The following DGKK variants were observed in gnomAD, a reference collection of about 807,000 sequenced individuals.
The protein encoded by DGKK is 142 kDa diacylglycerol kinase.
DGKK carries 35 observed loss-of-function variants against 92.2 expected under a neutral mutation model. The observed-to-expected ratio is 0.38, with a 90% CI of 0.29 to 0.50. The LOEUF is 0.50. Among genes scored for constraint, DGKK ranks in the 20% least tolerant of loss-of-function variants. The pLI is 0.92. For synonymous variants in DGKK, 368 were observed against 360.6 expected, an observed-to-expected ratio of 1.02 and a Z score of -0.23; for missense variants, 910 against 992.2, an observed-to-expected ratio of 0.92 and a Z score of 1.11.
At chrX:50,468,274 G>T (rs1557234173) in intron 1 of DGKK, among the ~76,000 whole-genome samples, 1 of 111,731 alleles carries the variant, frequency 9.0e-6, no homozygotes, top group Non-Finnish European at 1.9e-5. Flanking sequence ...GCATTCTCTG[G>T]GTATTACGTC....
In DGKK at chrX:50,404,131, G is replaced by C; in HGVS notation, c.996C>G (p.Ser332=). The change falls in exon 5 of 28, where the codon TCC becomes TCG. Residue 332 remains serine, a synonymous_variant. Coordinates refer to ENST00000611977, the MANE Select transcript of DGKK (RefSeq NM_001013742.4). ...PFLVGMHCWY[S]SYSHRTQHCN... is the part of the protein sequence containing the mutation. The stretch of plus-strand genomic sequence containing the variant: ...AGTGCTGGGTCCGGTGGCTGTAACT[G>C]GAGTACCAACAATGCATTCCAACAA... 1 of 1,210,467 alleles carries C rather than the reference G, an allele frequency of 8.3e-7. No homozygotes were observed. Among genetic ancestry groups the C allele is most frequent in the African/African-American group, 1.7e-5 (1 of 57,711 alleles).
At chrX:50,422,029 T>G (rs1925603363) in intron 3 of DGKK, among the ~76,000 whole-genome samples, 1 of 112,119 alleles carries the variant, frequency 8.9e-6, no homozygotes, top group Non-Finnish European at 1.9e-5. Flanking sequence ...TCATCAGTAA[T>G]CTCAACATGG....
At position 50,470,436 on chromosome X, in the gene DGKK, C is replaced by T. The variant is rs1557234460; in HGVS notation, c.243G>A (p.Pro81=). The T allele has an allele frequency of 3.3e-6, 4 of 1,211,962 alleles. No homozygotes were observed. Among genetic ancestry groups the T allele is most frequent in the East Asian group, 3.0e-5 (1 of 33,820 alleles). The part of the protein sequence containing the change: ...SESATELYTE[P]TPEPATEPAS... ...CCGGCTCTGTGGCTGGTTCTGGGGT[C>T]GGTTCTGTGTACAGTTCTGTGGCTG... The change falls in exon 1 of 28, where the codon CCG becomes CCA. Residue 81 remains proline, a synonymous_variant. Transcript: ENST00000611977.
At chrX:50,379,315 CA>C (rs1214871132) in intron 20 of DGKK, among the ~76,000 whole-genome samples, 862 of 38,802 alleles carry the variant, frequency 0.022, 4 homozygotes, top group African/African-American at 0.058. Context: ...GACTCCGTTT[CA>C]AAAAAAAAAA....
At chrX:50,421,554 G>T (rs1362856537) in intron 3 of DGKK, among the ~76,000 whole-genome samples, 2 of 111,452 alleles carry the variant, frequency 1.8e-5, no homozygotes, top group Non-Finnish European at 3.8e-5. Context: ...TTCTTTCTTT[G>T]TAGAATGGAA....
chrX:50,446,662 T>G (rs1926315016), intron 1 of DGKK, among the ~76,000 whole-genome samples: 1 of 111,769 alleles, frequency 8.9e-6, no homozygotes, highest in Non-Finnish European at 1.9e-5. Flanking sequence ...TATTTTCTCC[T>G]AATCTGCAAT....
chrX:50,421,651 A>T (rs1291855172), intron 3 of DGKK, among the ~76,000 whole-genome samples: 3 of 112,058 alleles, frequency 2.7e-5, no homozygotes, highest in Admixed American at 9.5e-5. Flanking sequence ...ACCCTGTGTC[A>T]GGGTGATGTA....
At chrX:50,449,843 G>C (rs1190801286) in intron 1 of DGKK, among the ~76,000 whole-genome samples, 1 of 112,007 alleles carries the variant, frequency 8.9e-6, no homozygotes, top group Non-Finnish European at 1.9e-5. Flanking sequence ...ATTGACTTTA[G>C]CCTAGAAAGG....
rs1286069887 is a variant in DGKK at position 50,447,872 on chromosome X, A to AT, written c.645+22161dup. ...AGGACATAAATGTTGCTTTTCAATT[A>AT]TTTTTTTTAAAAAAGGAGCGACTTA... On this transcript the variant is annotated intron_variant, in intron 1 of 27. Transcript: ENST00000611977. Among the ~76,000 whole-genome samples, 8 of 109,994 alleles carry AT rather than the reference A, an allele frequency of 7.3e-5. No individual in the cohort carries two copies. The East Asian group carries it at 1.4e-3, about 20-fold the overall frequency.
chrX:50,404,882 T>G (rs1474061536), intron 4 of DGKK, among the ~76,000 whole-genome samples: 1 of 110,987 alleles, frequency 9.0e-6, no homozygotes, highest in African/African-American at 3.3e-5. Context: ...CCTGGAGGTA[T>G]ACACTTTCCT....
chrX:50,450,407 T>G (rs568338984), intron 1 of DGKK, among the ~76,000 whole-genome samples: 7 of 112,184 alleles, frequency 6.2e-5, no homozygotes, highest in African/African-American at 2.3e-4. Context: ...CTGCCCTGCC[T>G]TTTTTATCTG....
intron 4 of DGKK, among the ~76,000 whole-genome samples, chrX:50,410,051 A>AT (rs1414587833): frequency 8.9e-6 from 1 of 112,141 alleles, no homozygotes; most frequent in Non-Finnish European, 1.9e-5. Flanking sequence ...AGTCTGTGGA[A>AT]TTTTTTATAG....
chrX:50,454,015 GA>G (rs782692022), intron 1 of DGKK, among the ~76,000 whole-genome samples: 32 of 108,539 alleles, frequency 2.9e-4, no homozygotes, highest in Non-Finnish European at 4.6e-4. Flanking sequence ...GAAAGAAAAA[GA>G]AAAAAACAGT....
intron 4 of DGKK, among the ~76,000 whole-genome samples, chrX:50,413,703 A>G (rs1276481913): frequency 8.9e-6 from 1 of 112,220 alleles, no homozygotes; most frequent in Admixed American, 9.4e-5. Flanking sequence ...AAGATGAAAG[A>G]TAATAAGTGT....
At chrX:50,462,390 C>CT (rs782504562) in intron 1 of DGKK, among the ~76,000 whole-genome samples, 3,401 of 60,386 alleles carry the variant, frequency 0.056, 270 homozygotes, top group African/African-American at 0.13. Context: ...GAAGTGAGTG[C>CT]TTTTTTTTTT....
intron 1 of DGKK, among the ~76,000 whole-genome samples, chrX:50,428,722 C>G (rs1290973819): frequency 9.0e-6 from 1 of 111,544 alleles, no homozygotes; most frequent in African/African-American, 3.3e-5. Flanking sequence ...CTCTGAACTT[C>G]CACAAATGCC....
At chrX:50,413,538 G>A (rs372596977) in intron 4 of DGKK, among the ~76,000 whole-genome samples, 8 of 112,002 alleles carry the variant, frequency 7.1e-5, no homozygotes, top group Non-Finnish European at 1.3e-4. Flanking sequence ...ATTAAAAATG[G>A]CAAGAGACCT....
At chrX:50,426,589 C>G (rs1925747809) in intron 1 of DGKK, among the ~76,000 whole-genome samples, 1 of 110,980 alleles carries the variant, frequency 9.0e-6, no homozygotes, top group Admixed American at 9.6e-5. Context: ...AAACCAGTAG[C>G]CACCCTCAAC....
At chrX:50,378,333 C>A in intron 21 of DGKK, 101 bp from the exon 22 acceptor site, 2 of 1,040,372 alleles carry the variant, frequency 1.9e-6, no homozygotes, top group Non-Finnish European at 2.6e-6. Context: ...GTATCTGAAG[C>A]AGGACTGGAA....
Sources: gnomAD v4.1 joint callset for allele counts (sites outside exome capture counted in the v4.1 genomes callset) on GRCh38, gnomAD v4.1.1 for gene constraint, MANE v1.5 for transcripts, NCBI Gene and HGNC (gene_info 2026-07-23, HGNC 2026-07-21) for gene names.